The following PCDH11X variants were observed in gnomAD, a reference collection of about 807,000 sequenced individuals.
PCDH11X encodes protocadherin 11 X-linked.
Under a neutral mutation model 53.3 loss-of-function variants are expected in PCDH11X, and 18 were observed. The observed-to-expected ratio is 0.34, with a 90% CI of 0.23 to 0.50. PCDH11X has a LOEUF of 0.50. Ranked by LOEUF, PCDH11X falls within the 20% of genes least tolerant of loss-of-function variation. PCDH11X has a pLI of 0.98. For synonymous variants in PCDH11X, 279 were observed against 393.3 expected (o/e 0.71, Z 3.44); for missense variants, 570 against 1,032.4 (o/e 0.55, Z 6.14).
intron 10 of PCDH11X, among the ~76,000 whole-genome samples, chrX:92,519,219 T>A (rs1018580988): frequency 3.7e-5 from 4 of 108,539 alleles, no homozygotes; most frequent in Non-Finnish European, 7.7e-5. Flanking sequence ...ATAGAGAAGA[T>A]GAGTAACTCA....
rs58402010 is a variant in PCDH11X at position 92,295,739 on chromosome X, T to TTGTGTGTGTGTG, written c.3144+32624_3144+32635dup. 2.8e-5 allele frequency among the ~76,000 whole-genome samples: 2 copies of TTGTGTGTGTGTG among 71,550 alleles called. 1 individual carries two copies. Among genetic ancestry groups the TTGTGTGTGTGTG allele is most frequent in the African/African-American group, 9.8e-5 (2 of 20,451 alleles). The allele number at this position is 71,550 out of a possible 115,157, so 62.1% of individuals were successfully genotyped here. A position where few individuals can be genotyped will look rare whatever the true frequency, so the allele number is the denominator to read the frequency against. On this transcript the variant is annotated intron_variant, in intron 8 of 10. Transcript: ENST00000682573. ...GCATGCTGGATTTTGACAGGTGTGT[T>TTGTGTGTGTGTG]TGTGTGTGTGTGTGTGTGTGTGTGT...
intron 10 of PCDH11X, among the ~76,000 whole-genome samples, chrX:92,604,884 A>C (rs1447829820): frequency 1.8e-5 from 2 of 108,538 alleles, no homozygotes. Context: ...TCAGAAAAAC[A>C]TAATAACTAC....
At chrX:92,404,471 C>T (rs1603301769) in intron 9 of PCDH11X, among the ~76,000 whole-genome samples, 1 of 111,035 alleles carries the variant, frequency 9.0e-6, no homozygotes, top group Non-Finnish European at 1.9e-5. Context: ...GTCTTTCACT[C>T]GATCACATAG....
At chrX:92,605,215 G>A (rs1043772856) in intron 10 of PCDH11X, among the ~76,000 whole-genome samples, 2 of 109,935 alleles carry the variant, frequency 1.8e-5, no homozygotes, top group African/African-American at 3.4e-5. Context: ...TCCAGAATAT[G>A]TCTTTTGATC....
intron 6 of PCDH11X, among the ~76,000 whole-genome samples, chrX:92,031,365 A>AT (rs1413315110): frequency 1.0e-5 from 1 of 100,181 alleles, no homozygotes; most frequent in Non-Finnish European, 2.0e-5. Flanking sequence ...TAACCTCCTC[A>AT]TATGTTCTGG....
chrX:92,617,886 T>C (rs1037166254), intron 10 of PCDH11X, among the ~76,000 whole-genome samples: 4 of 111,682 alleles, frequency 3.6e-5, no homozygotes, highest in Admixed American at 2.9e-4. Context: ...TATATTCTTA[T>C]AATTTGTTTT....
intron 10 of PCDH11X, among the ~76,000 whole-genome samples, chrX:92,484,301 G>GTA (rs1395764530): frequency 2.0e-5 from 2 of 101,194 alleles, no homozygotes; most frequent in Admixed American, 2.3e-4. Context: ...ATATGTGTGT[G>GTA]TATATATATA....
chrX:92,076,963 T>G (rs756356321), intron 6 of PCDH11X, among the ~76,000 whole-genome samples: 11 of 112,153 alleles, frequency 9.8e-5, no homozygotes, highest in Admixed American at 5.7e-4. Flanking sequence ...CTTCTTCACT[T>G]GAAATATTGG....
chrX:92,314,094 G>A (rs1284845840), intron 8 of PCDH11X, among the ~76,000 whole-genome samples: 2 of 111,918 alleles, frequency 1.8e-5, no homozygotes, highest in African/African-American at 6.5e-5. Flanking sequence ...TATACATTTT[G>A]TAATTTTTAA....
At chrX:92,205,138 C>T (rs781035506) in intron 7 of PCDH11X, among the ~76,000 whole-genome samples, 5 of 111,506 alleles carry the variant, frequency 4.5e-5, no homozygotes, top group South Asian at 3.8e-4. Context: ...GTTCAGCCTA[C>T]ACCCAGGAAT....
intron 6 of PCDH11X, among the ~76,000 whole-genome samples, chrX:92,074,345 C>T (rs1251719799): frequency 4.5e-5 from 5 of 110,115 alleles, no homozygotes; most frequent in African/African-American, 9.9e-5. Context: ...TTAAAAGATA[C>T]GATTCAGTTT....
chrX:92,361,338 T>C (rs547818919), intron 8 of PCDH11X, among the ~76,000 whole-genome samples: 3 of 111,255 alleles, frequency 2.7e-5, no homozygotes, highest in Non-Finnish European at 5.7e-5. Context: ...ATTCTAAACA[T>C]CCTAAGCCCT....
At chrX:92,058,358 C>T (rs749921357) in intron 6 of PCDH11X, among the ~76,000 whole-genome samples, 37 of 110,342 alleles carry the variant, frequency 3.4e-4, no homozygotes, top group African/African-American at 1.1e-3. Flanking sequence ...CCATAATTTT[C>T]AGCATATCCA....
chrX:91,839,247 C>CA (rs1272748559), intron 5 of PCDH11X, among the ~76,000 whole-genome samples: 1 of 109,364 alleles, frequency 9.1e-6, no homozygotes, highest in African/African-American at 3.3e-5. Flanking sequence ...AATCAACAGA[C>CA]AGATTGTAGA....
chrX:92,403,454 G>T (rs753284549), intron 9 of PCDH11X, among the ~76,000 whole-genome samples: 1 of 101,702 alleles, frequency 9.8e-6, no homozygotes, highest in Admixed American at 1.2e-4. Context: ...TAAATATCTC[G>T]TTTAGTCTGC....
chrX:91,975,314 C>T (rs1028398594), intron 6 of PCDH11X, among the ~76,000 whole-genome samples: 9 of 112,024 alleles, frequency 8.0e-5, no homozygotes, highest in African/African-American at 2.9e-4. Context: ...GCTTTGACAA[C>T]TGAAAGAATA....
intron 6 of PCDH11X, among the ~76,000 whole-genome samples, chrX:92,114,970 T>G (rs1176303223): frequency 9.0e-6 from 1 of 110,619 alleles, no homozygotes; most frequent in Non-Finnish European, 1.9e-5. Flanking sequence ...GTAGCTGGGA[T>G]TACAGGCCCC....
intron 5 of PCDH11X, among the ~76,000 whole-genome samples, chrX:91,845,417 C>G (rs1056678715): frequency 1.6e-4 from 17 of 107,799 alleles, no homozygotes; most frequent in African/African-American, 5.6e-4. Context: ...TATATTACCC[C>G]CATCAAATGC....
intron 6 of PCDH11X, among the ~76,000 whole-genome samples, chrX:91,969,795 CA>C (rs535187943): frequency 2.3e-3 from 167 of 72,401 alleles, no homozygotes; most frequent in South Asian, 2.2e-3. Flanking sequence ...GCCCTTGTCT[CA>C]AAAAAAAAAA....
Sources: gnomAD v4.1 joint callset for allele counts (sites outside exome capture counted in the v4.1 genomes callset) on GRCh38, gnomAD v4.1.1 for gene constraint, MANE v1.5 for transcripts, NCBI Gene and HGNC (gene_info 2026-07-23, HGNC 2026-07-21) for gene names.